LRRC37A2: variants seen among roughly 807,000 people sequenced by gnomAD.
The protein encoded by LRRC37A2 is leucine rich repeat containing 37 member A2, also known as leucine-rich repeat-containing protein 37A2.
A neutral mutation model predicts 68.8 loss-of-function variants in LRRC37A2; 9 were observed. The ratio of observed to expected loss-of-function variants is 0.13; its 90% CI spans 0.08 to 0.23. LRRC37A2 has a LOEUF of 0.23. LRRC37A2 is among the 10% of genes least tolerant of loss of function. The probability of loss-of-function intolerance (pLI) is 1.00; values close to 1 mark genes in which losing one functional copy is unlikely to be tolerated. For missense variants in LRRC37A2, 168 were observed against 950.4 expected, an observed-to-expected ratio of 0.18 and a Z score of 10.82; for synonymous variants, 63 against 367.6, an observed-to-expected ratio of 0.17 and a Z score of 9.48.
the LRRC37A2 span, chr17:46,979,036 G>C: frequency 2.8e-3 from 3,828 of 1,383,126 alleles, 97 homozygotes; most frequent in African/African-American, 0.053. Flanking sequence ...GTCTCGGCGC[G>C]CAGTCCCGGG....
the LRRC37A2 span, chr17:47,017,718 C>G: frequency 1.2e-6 from 2 of 1,610,942 alleles, no homozygotes; most frequent in Non-Finnish European, 1.7e-6. Flanking sequence ...ACCTCATAGT[C>G]AGAAACAGAA....
At chr17:46,896,448 AAGAAAAAGAAAG>A in the LRRC37A2 span, among the ~76,000 whole-genome samples, 1 of 85,028 alleles carries the variant, frequency 1.2e-5, no homozygotes, top group Admixed American at 1.1e-4. Context: ...GAAAGAAAGA[AAGAAAAAGAAAG>A]AAAGAAAGAA....
chr17:46,751,094 C>G, the LRRC37A2 span, among the ~76,000 whole-genome samples: 13 of 152,076 alleles, frequency 8.5e-5, no homozygotes, highest in Non-Finnish European at 1.9e-4. Flanking sequence ...TGAAATTTAT[C>G]TATATGATAA....
the LRRC37A2 span, among the ~76,000 whole-genome samples, chr17:46,989,415 A>G: frequency 6.6e-6 from 1 of 152,166 alleles, no homozygotes; most frequent in Non-Finnish European, 1.5e-5. Flanking sequence ...TCTTTTGAGG[A>G]ATCGCTCTTC....
At chr17:46,885,313 T>TC in the LRRC37A2 span, 1 of 252,778 alleles carries the variant, frequency 4.0e-6, no homozygotes, top group Non-Finnish European at 7.8e-6. Flanking sequence ...GCCAGCATTT[T>TC]TTTTTTTGAG....
the LRRC37A2 span, among the ~76,000 whole-genome samples, chr17:46,831,146 A>C: frequency 6.6e-6 from 1 of 152,218 alleles, no homozygotes; most frequent in Non-Finnish European, 1.5e-5. Context: ...TCTGGAAAAC[A>C]CCGGAACATG....
chr17:46,823,108 C>CAT, the LRRC37A2 span, among the ~76,000 whole-genome samples: 4 of 105,950 alleles, frequency 3.8e-5, no homozygotes, highest in African/African-American at 1.5e-4. Flanking sequence ...ATAATAAACA[C>CAT]ATATATTATA....
At chr17:46,745,462 G>T in the LRRC37A2 span, among the ~76,000 whole-genome samples, 3 of 152,296 alleles carry the variant, frequency 2.0e-5, no homozygotes, top group East Asian at 5.8e-4. Flanking sequence ...CTCCAGTATG[G>T]TTGCTCTACA....
chr17:46,849,797 A>C, the LRRC37A2 span, among the ~76,000 whole-genome samples: 2 of 152,100 alleles, frequency 1.3e-5, no homozygotes, highest in African/African-American at 4.8e-5. Flanking sequence ...TCCTGCCTGC[A>C]GGTATAACGA....
chr17:46,958,535 C>A, the LRRC37A2 span, among the ~76,000 whole-genome samples: 1 of 152,196 alleles, frequency 6.6e-6, no homozygotes, highest in Non-Finnish European at 1.5e-5. Context: ...TGGAAGAAGC[C>A]TTAGAGACGT....
the LRRC37A2 span, chr17:46,885,305 C>A: frequency 4.3e-6 from 1 of 230,980 alleles, no homozygotes; most frequent in Non-Finnish European, 8.3e-6. Context: ...TGCGCCTGGC[C>A]AGCATTTTTT....
the LRRC37A2 span, among the ~76,000 whole-genome samples, chr17:46,996,585 C>G: frequency 2.6e-5 from 4 of 152,226 alleles, no homozygotes; most frequent in African/African-American, 7.2e-5. Flanking sequence ...CCCAGGGGCC[C>G]CTAGGCCTGG....
the LRRC37A2 span, among the ~76,000 whole-genome samples, chr17:46,404,879 A>T: frequency 2.2e-5 from 2 of 90,912 alleles, no homozygotes; most frequent in African/African-American, 7.3e-5. Flanking sequence ...CAAACAAATT[A>T]AAATAAATAA....
At chr17:46,755,355 A>C in the LRRC37A2 span, 9 of 1,613,480 alleles carry the variant, frequency 5.6e-6, no homozygotes, top group Non-Finnish European at 7.6e-6. Flanking sequence ...TGGCCCTCTT[A>C]AGAGAAGAAG....
the LRRC37A2 span, among the ~76,000 whole-genome samples, chr17:46,983,187 C>T: frequency 6.6e-6 from 1 of 151,714 alleles, no homozygotes; most frequent in Admixed American, 6.6e-5. Context: ...TGTCTATTTG[C>T]ATATTTGGTC....
the LRRC37A2 span, among the ~76,000 whole-genome samples, chr17:46,455,731 A>G: frequency 3.3e-5 from 5 of 149,472 alleles, no homozygotes; most frequent in South Asian, 6.7e-4. Flanking sequence ...TGACACTGAA[A>G]CCTGATAATC....
the LRRC37A2 span, among the ~76,000 whole-genome samples, chr17:46,811,780 C>T: frequency 6.6e-6 from 1 of 152,024 alleles, no homozygotes; most frequent in East Asian, 1.9e-4. Flanking sequence ...CATGGTGAAA[C>T]CCCCATCTCT....
chr17:46,972,218 G>C, the LRRC37A2 span, among the ~76,000 whole-genome samples: 16 of 152,264 alleles, frequency 1.1e-4, no homozygotes, highest in African/African-American at 3.9e-4. Context: ...TTCCTGCTTT[G>C]CTTCTCCCGC....
At chr17:46,968,806 C>T in the LRRC37A2 span, 2 of 152,336 alleles carry the variant, frequency 1.3e-5, no homozygotes, top group African/African-American at 4.8e-5. Flanking sequence ...TCAGCACCAC[C>T]TGCAGTCATT....
Sources: gnomAD v4.1 joint callset for allele counts (sites outside exome capture counted in the v4.1 genomes callset) on GRCh38, gnomAD v4.1.1 for gene constraint, MANE v1.5 for transcripts, NCBI Gene and HGNC (gene_info 2026-07-23, HGNC 2026-07-21) for gene names.